The following RPRD1B variants were observed in gnomAD, a reference collection of about 807,000 sequenced individuals.
The protein encoded by RPRD1B is regulation of nuclear pre-mRNA domain-containing protein 1B.
In RPRD1B, 11 loss-of-function variants were observed where a neutral mutation model predicts 41.5. That is an observed-to-expected ratio of 0.27 (90% confidence interval 0.17 to 0.44). RPRD1B has a LOEUF of 0.44. Ranked by LOEUF, RPRD1B falls within the 20% of genes least tolerant of loss-of-function variation. The pLI, the probability that RPRD1B is intolerant of heterozygous loss-of-function variation, is 1.00. For synonymous variants in RPRD1B, 158 were observed against 155.6 expected (o/e 1.02, Z -0.12); for missense variants, 248 against 389.9 (o/e 0.64, Z 3.06).
At chr20:38,046,581 ATT>A (rs559289767) in intron 2 of RPRD1B, among the ~76,000 whole-genome samples, 86 of 152,292 alleles carry the variant, frequency 5.6e-4, no homozygotes, top group Admixed American at 9.8e-4. Flanking sequence ...AGGGAGTGTT[ATT>A]TTCAACGTGG....
chr20:38,091,447 T>A lies in RPRD1B; in HGVS notation c.*1572T>A. On this transcript the variant is annotated 3_prime_UTR_variant, in exon 7 of 7. Coordinates refer to ENST00000373433, the MANE Select transcript of RPRD1B (RefSeq NM_021215.4). ...CAGTTTAACTCTGTGTAGAACCTAG[T>A]AGTGTTTGAGCTGTTATTCAGATTT... The A allele has an allele frequency of 2.0e-6, 2 of 985,440 alleles. No homozygotes were observed. Among genetic ancestry groups the A allele is most frequent in the Non-Finnish European group, 2.4e-6 (2 of 829,924 alleles). 61.0% of individuals were successfully genotyped at this position (985,440 alleles called of 1,614,324 possible). A position where few individuals can be genotyped will look rare whatever the true frequency, so the allele number is the denominator to read the frequency against.
chr20:38,079,857 C>T (rs1270549418), intron 6 of RPRD1B, among the ~76,000 whole-genome samples: 1 of 152,144 alleles, frequency 6.6e-6, no homozygotes, highest in African/African-American at 2.4e-5. Flanking sequence ...TATAAGTGTT[C>T]CTTTTTCCCC....
At chr20:38,082,432 G>A (rs2074521900) in intron 6 of RPRD1B, among the ~76,000 whole-genome samples, 2 of 152,146 alleles carry the variant, frequency 1.3e-5, no homozygotes, top group African/African-American at 4.8e-5. Flanking sequence ...CGTCCCCCAG[G>A]CTGGAGTAGA....
chr20:38,043,895 T>G (rs1401024698), intron 2 of RPRD1B, among the ~76,000 whole-genome samples: 1 of 152,156 alleles, frequency 6.6e-6, no homozygotes, highest in African/African-American at 2.4e-5. Flanking sequence ...TAGTGAATAT[T>G]CCAAGGAGTG....
rs1439602131 is a variant in RPRD1B at position 38,040,383 on chromosome 20, A to G, written c.152-52A>G. On this transcript the variant is annotated intron_variant, in intron 1 of 6. Transcript: ENST00000373433. ...AGCAGCCCAGGGCAAAAGAATTGTG[A>G]ATTGAGAATTTCTTTGGTGTAAGTT... 3 of 1,472,442 alleles carry G rather than the reference A, an allele frequency of 2.0e-6. No individual in the cohort carries two copies. The East Asian group carries it at 7.0e-5, about 34-fold the overall frequency. The allele number at this position is 1,472,442 out of a possible 1,614,324, so 91.2% of individuals were successfully genotyped here. A position where few individuals can be genotyped will look rare whatever the true frequency, so the allele number is the denominator to read the frequency against.
intron 1 of RPRD1B, among the ~76,000 whole-genome samples, chr20:38,036,017 G>A (rs2073999844): frequency 6.6e-6 from 1 of 152,058 alleles, no homozygotes; most frequent in Non-Finnish European, 1.5e-5. Context: ...CCCCGCCTCG[G>A]CCTCCCAAAG....
intron 6 of RPRD1B, among the ~76,000 whole-genome samples, chr20:38,075,994 C>T (rs996473528): frequency 5.3e-5 from 8 of 152,216 alleles, no homozygotes; most frequent in African/African-American, 1.7e-4. Flanking sequence ...ACAATAACTT[C>T]GCAAACTTCA....
At chr20:38,048,929 G>T (rs927430337) in intron 3 of RPRD1B, among the ~76,000 whole-genome samples, 5 of 152,146 alleles carry the variant, frequency 3.3e-5, no homozygotes, top group Admixed American at 6.5e-5. Context: ...AGGATTGTCA[G>T]CATGGTGTCT....
At chr20:38,036,828 A>G (rs1291203702) in intron 1 of RPRD1B, among the ~76,000 whole-genome samples, 2 of 152,262 alleles carry the variant, frequency 1.3e-5, no homozygotes, top group East Asian at 1.9e-4. Context: ...TAAAGTTTTA[A>G]GTAGATAGAA....
chr20:38,076,208 G>A (rs2074458304), intron 6 of RPRD1B, among the ~76,000 whole-genome samples: 1 of 152,196 alleles, frequency 6.6e-6, no homozygotes, highest in African/African-American at 2.4e-5. Context: ...GTGCAGTGAT[G>A]ATGATCTGCT....
At chr20:38,048,327 C>A (rs763794771) in intron 2 of RPRD1B, 21 bp from the exon 3 acceptor site, 4 of 1,604,638 alleles carry the variant, frequency 2.5e-6, no homozygotes, top group Middle Eastern at 1.7e-4. Flanking sequence ...TTATATATAT[C>A]TTTTCATCTT....
chr20:38,085,472 T>G (rs1453073317), intron 6 of RPRD1B: 1 of 152,134 alleles, frequency 6.6e-6, no homozygotes, highest in Non-Finnish European at 1.5e-5. Context: ...CTAAAGAGAT[T>G]ATGGGATGCA....
At chr20:38,048,543 A>T in intron 3 of RPRD1B, 62 bp downstream of exon 3, 1 of 1,548,378 alleles carries the variant, frequency 6.5e-7, no homozygotes, top group East Asian at 2.3e-5. Flanking sequence ...TCAAATATGA[A>T]AAGCTGCAGT....
At chr20:38,045,914 T>G (rs1402628767) in intron 2 of RPRD1B, among the ~76,000 whole-genome samples, 4 of 152,236 alleles carry the variant, frequency 2.6e-5, no homozygotes, top group Non-Finnish European at 5.9e-5. Context: ...GACCTCCCAT[T>G]GCCTGCAGGC....
At chr20:38,065,493 A>G (rs2074345742) in intron 5 of RPRD1B, among the ~76,000 whole-genome samples, 1 of 152,204 alleles carries the variant, frequency 6.6e-6, no homozygotes. Context: ...TTTGTCTATA[A>G]CCAACAAACA....
chr20:38,040,241 CTTT>C (rs2074052092), intron 1 of RPRD1B, among the ~76,000 whole-genome samples, 191 bp from the exon 2 acceptor site: 2 of 102,456 alleles, frequency 2.0e-5, no homozygotes, highest in Non-Finnish European at 3.6e-5. Context: ...CATTCTTTTT[CTTT>C]TTCTTTTTTT....
chr20:38,039,220 G>A (rs1189199879), intron 1 of RPRD1B, among the ~76,000 whole-genome samples: 2 of 152,138 alleles, frequency 1.3e-5, no homozygotes, highest in Admixed American at 6.5e-5. Context: ...TATGGTTTTT[G>A]TGAAAGCCCT....
intron 1 of RPRD1B, among the ~76,000 whole-genome samples, chr20:38,038,197 G>A (rs181923231): frequency 6.6e-6 from 1 of 152,192 alleles, no homozygotes; most frequent in Admixed American, 6.5e-5. Context: ...AGACAATTCA[G>A]GGTATCCATA....
In RPRD1B at chr20:38,090,971, C is replaced by T; in HGVS notation, c.*1096C>T. ...CGTCAGATGTTATTGAATAGCTCGT[C>T]TCGGGCAGGGGAAGCGGGGAGTTGG... On this transcript the variant is annotated 3_prime_UTR_variant, in exon 7 of 7. Transcript: ENST00000373433. 1.0e-6 allele frequency: 1 copy of T among 985,428 alleles called. No homozygotes were observed. Among genetic ancestry groups the T allele is most frequent in the Non-Finnish European group, 1.2e-6 (1 of 829,922 alleles). The allele number at this position is 985,428 out of a possible 1,614,324, so 61.0% of individuals were successfully genotyped here.
Sources: allele counts gnomAD v4.1 joint callset (sites outside exome capture counted in the v4.1 genomes callset), GRCh38; gene constraint gnomAD v4.1.1; transcripts MANE v1.5; gene names NCBI Gene and HGNC (gene_info 2026-07-23, HGNC 2026-07-21).